BRF1: variants seen among roughly 807,000 people sequenced by gnomAD.
The protein encoded by BRF1 is BRF1 general transcription factor IIIB subunit.
In BRF1, 59 loss-of-function variants were observed where a neutral mutation model predicts 81.7. The ratio of observed to expected loss-of-function variants is 0.72; its 90% CI spans 0.59 to 0.90. The LOEUF (loss-of-function observed/expected upper bound fraction) is 0.90. Among genes scored for constraint, BRF1 ranks in the 40% least tolerant of loss-of-function variants. The pLI, the probability that BRF1 is intolerant of heterozygous loss-of-function variation, is 0.00. For synonymous variants in BRF1, 491 were observed against 395.6 expected, an observed-to-expected ratio of 1.24 and a Z score of -2.86; for missense variants, 1,050 against 936.3, an observed-to-expected ratio of 1.12 and a Z score of -1.58.
intron 1 of BRF1, among the ~76,000 whole-genome samples, chr14:105,300,234 G>A (rs2057944611): frequency 6.6e-6 from 1 of 152,208 alleles, no homozygotes; most frequent in Non-Finnish European, 1.5e-5. Flanking sequence ...CGTGTGTCGA[G>A]GAAGTCCACG....
At chr14:105,249,900 G>A (rs145825360) in intron 5 of BRF1, 117 of 1,611,110 alleles carry the variant, frequency 7.3e-5, no homozygotes, top group Non-Finnish European at 9.0e-5. Flanking sequence ...GAGATAGACC[G>A]GCAGACGCTG....
chr14:105,249,386 C>T lies in BRF1; in HGVS notation c.544+3121G>A, dbSNP rs587671195. On this transcript the variant is annotated intron_variant, in intron 5 of 17. Coordinates refer to ENST00000547530, the MANE Select transcript of BRF1 (RefSeq NM_001519.4). ...ACGTCTTGGCTGTCGGCAGCTCCGTCTTCTATGCCATGTTCTACGGAGACC... is the reference window on the plus strand; with the variant it reads ...ACGTCTTGGCTGTCGGCAGCTCCGTTTTCTATGCCATGTTCTACGGAGACC... The T allele has an allele frequency of 7.3e-5, 118 of 1,612,792 alleles. No homozygotes were observed. The South Asian group carries it at 7.6e-4, about 10-fold the overall frequency.
intron 2 of BRF1, among the ~76,000 whole-genome samples, chr14:105,275,242 C>T (rs939945145): frequency 6.6e-6 from 1 of 152,198 alleles, no homozygotes; most frequent in African/African-American, 2.4e-5. Flanking sequence ...CACTGCCAGG[C>T]CCCTGGCAGT....
At chr14:105,294,608 T>A (rs2057660006) in intron 1 of BRF1, among the ~76,000 whole-genome samples, 1 of 152,102 alleles carries the variant, frequency 6.6e-6, no homozygotes, top group African/African-American at 2.4e-5. Flanking sequence ...AGTATGAGCA[T>A]GGAAGACGAT....
At chr14:105,249,596 G>T in intron 5 of BRF1, 1 of 1,586,930 alleles carries the variant, frequency 6.3e-7, no homozygotes. Flanking sequence ...CCCCGCGATG[G>T]GTGCTTGGGA....
intron 3 of BRF1, among the ~76,000 whole-genome samples, chr14:105,262,230 A>G (rs1329715540): frequency 1.3e-5 from 2 of 152,148 alleles, no homozygotes; most frequent in African/African-American, 4.8e-5. Context: ...GCACCCCAAG[A>G]GCAGGACCCA....
chr14:105,296,523 A>T (rs953416706), intron 1 of BRF1, among the ~76,000 whole-genome samples: 24 of 150,830 alleles, frequency 1.6e-4, no homozygotes, highest in Non-Finnish European at 3.2e-4. Flanking sequence ...AAAAAAAAAA[A>T]CAAAAAACTT....
At chr14:105,219,255 G>A (rs771936145) in intron 12 of BRF1, 23 bp from the exon 13 acceptor site, 4 of 1,608,064 alleles carry the variant, frequency 2.5e-6, no homozygotes, top group Admixed American at 1.7e-5. Context: ...AGGGAAGTGG[G>A]GCTGGCTTTT....
At chr14:105,258,488 C>CAAA (rs371399124) in intron 3 of BRF1, among the ~76,000 whole-genome samples, 3 of 126,242 alleles carry the variant, frequency 2.4e-5, no homozygotes, top group Admixed American at 8.6e-5. Flanking sequence ...GACTCCGTCT[C>CAAA]AAAAAAAAAA....
In BRF1 at chr14:105,215,990, GCA is replaced by G. The variant is rs1343477419; in HGVS notation, c.1772+1552_1772+1553del. On this transcript the variant is annotated intron_variant, in intron 15 of 17. Transcript: ENST00000547530. ...ATGCACACACACTGCATACACAGGC[GCA>G]CACACACATGCACACACACGCTGCA... is the stretch of plus-strand genomic sequence containing the variant. 1.0e-3 allele frequency among the ~76,000 whole-genome samples: 62 copies of G among 61,586 alleles called. 4 individuals are homozygous for G. The highest frequency in any genetic ancestry group is 3.9e-3 in the Admixed American group (23 of 5,938). The allele number at this position is 61,586 out of a possible 152,430, so 40.4% of individuals were successfully genotyped here.
intron 2 of BRF1, among the ~76,000 whole-genome samples, chr14:105,275,795 G>A (rs916614886): frequency 1.3e-5 from 2 of 152,278 alleles, no homozygotes; most frequent in South Asian, 2.1e-4. Context: ...TTAAGATGCA[G>A]GGCCTTTGCG....
intron 2 of BRF1, among the ~76,000 whole-genome samples, chr14:105,274,017 T>C (rs1368702544): frequency 6.6e-6 from 1 of 152,232 alleles, no homozygotes; most frequent in African/African-American, 2.4e-5. Context: ...AACCCGATTG[T>C]ACACTTGTTC....
At chr14:105,241,953 G>A (rs922825182) in intron 5 of BRF1, 16 of 167,130 alleles carry the variant, frequency 9.6e-5, no homozygotes, top group Admixed American at 4.5e-4. Context: ...ACAGTGCCAC[G>A]GGGGAGTGCC....
intron 3 of BRF1, among the ~76,000 whole-genome samples, chr14:105,258,191 GAAAT>G (rs1259317697): frequency 6.6e-6 from 1 of 152,226 alleles, no homozygotes; most frequent in African/African-American, 2.4e-5. Context: ...ACTGCTCTAA[GAAAT>G]AAACTCTACT....
intron 6 of BRF1, among the ~76,000 whole-genome samples, chr14:105,241,034 C>T (rs909549965): frequency 1.3e-5 from 2 of 152,240 alleles, no homozygotes; most frequent in Non-Finnish European, 2.9e-5. Flanking sequence ...GGCCGCTCTG[C>T]CCTGAGAGTT....
chr14:105,272,607 T>C, intron 3 of BRF1, 114 bp downstream of exon 3: 2 of 1,328,554 alleles, frequency 1.5e-6, no homozygotes, highest in South Asian at 3.2e-5. Context: ...AGTAAGGTGT[T>C]TTTCTATTAA....
At chr14:105,273,094 A>G (rs2056728857) in intron 2 of BRF1, among the ~76,000 whole-genome samples, 200 bp from the exon 3 acceptor site, 2 of 152,206 alleles carry the variant, frequency 1.3e-5, no homozygotes, top group African/African-American at 4.8e-5. Flanking sequence ...TCCATGTGCC[A>G]TGAGATCCTG....
chr14:105,229,737 G>C (rs2054438711), intron 6 of BRF1, among the ~76,000 whole-genome samples: 2 of 26,784 alleles, frequency 7.5e-5, no homozygotes, highest in Non-Finnish European at 1.6e-4. Context: ...TAGTCGCCCA[G>C]CTGGGGGCGG....
chr14:105,311,176 A>G (rs2058341872), intron 1 of BRF1, among the ~76,000 whole-genome samples: 1 of 151,964 alleles, frequency 6.6e-6, no homozygotes, highest in Non-Finnish European at 1.5e-5. Context: ...ATGGTCACAA[A>G]CTCCTGACCT....
Sources: allele counts gnomAD v4.1 joint callset (sites outside exome capture counted in the v4.1 genomes callset), GRCh38; gene constraint gnomAD v4.1.1; transcripts MANE v1.5; gene names NCBI Gene and HGNC (gene_info 2026-07-23, HGNC 2026-07-21).